Variants in INSYN2B observed in about 807,000 individuals in gnomAD.
INSYN2B encodes protein INSYN2B.
INSYN2B carries 16 observed loss-of-function variants against 41.2 expected under a neutral mutation model. The observed-to-expected ratio is 0.39, with a 90% CI of 0.26 to 0.59. The LOEUF (loss-of-function observed/expected upper bound fraction) is 0.59. Ranked by LOEUF, INSYN2B falls within the 20% of genes least tolerant of loss-of-function variation. The pLI, the probability that INSYN2B is intolerant of heterozygous loss-of-function variation, is 0.57. For missense variants in INSYN2B, 608 were observed against 646.4 expected (o/e 0.94, Z 0.64); for synonymous variants, 245 against 244.4 (o/e 1.00, Z -0.02).
chr5:169,938,567 A>G (rs929632064), intron 1 of INSYN2B, among the ~76,000 whole-genome samples: 5 of 152,222 alleles, frequency 3.3e-5, no homozygotes, highest in Non-Finnish European at 5.9e-5. Context: ...AAAATGGTCC[A>G]CCTGTACAGG....
At chr5:169,918,489 T>A (rs966630347) in intron 1 of INSYN2B, among the ~76,000 whole-genome samples, 2 of 152,204 alleles carry the variant, frequency 1.3e-5, no homozygotes, top group African/African-American at 4.8e-5. Flanking sequence ...GCTGAGAGCA[T>A]CATCTCACAG....
chr5:169,941,819 C>T (rs1403220292), intron 1 of INSYN2B, among the ~76,000 whole-genome samples: 1 of 152,156 alleles, frequency 6.6e-6, no homozygotes, highest in Non-Finnish European at 1.5e-5. Context: ...GGGGCATTCC[C>T]CTCCAGAATA....
intron 1 of INSYN2B, among the ~76,000 whole-genome samples, chr5:169,976,626 G>A (rs1777727103): frequency 6.6e-6 from 1 of 152,178 alleles, no homozygotes; most frequent in Non-Finnish European, 1.5e-5. Flanking sequence ...TCACATCACA[G>A]AGCCACAAGC....
chr5:169,945,593 G>T (rs1307414943), intron 1 of INSYN2B, among the ~76,000 whole-genome samples: 1 of 152,250 alleles, frequency 6.6e-6, no homozygotes, highest in African/African-American at 2.4e-5. Context: ...GCTCAGAGAA[G>T]TGAAGTCTGT....
chr5:169,967,107 G>A (rs761253123), intron 1 of INSYN2B, among the ~76,000 whole-genome samples: 1 of 152,224 alleles, frequency 6.6e-6, no homozygotes, highest in Non-Finnish European at 1.5e-5. Context: ...GTAGGACACT[G>A]AGCCAGTCTC....
chr5:169,917,013 T>A (rs1414797559), intron 1 of INSYN2B, among the ~76,000 whole-genome samples: 1 of 152,218 alleles, frequency 6.6e-6, no homozygotes, highest in Non-Finnish European at 1.5e-5. Context: ...ATATGGTGGA[T>A]CTCAGAGAGC....
At chr5:169,864,609 A>G in intron 3 of INSYN2B, 150 bp from the exon 4 acceptor site, 2 of 633,776 alleles carry the variant, frequency 3.2e-6, no homozygotes, top group East Asian at 2.9e-5. Context: ...GACCTTGGGA[A>G]AGTGATGCCA....
intron 1 of INSYN2B, among the ~76,000 whole-genome samples, chr5:169,929,660 C>G (rs940812969): frequency 1.3e-5 from 2 of 148,988 alleles, no homozygotes; most frequent in Non-Finnish European, 3.0e-5. Flanking sequence ...GAGAATCACT[C>G]AAGCCTGGGA....
chr5:169,949,261 C>T (rs1776565080), intron 1 of INSYN2B, among the ~76,000 whole-genome samples: 1 of 152,200 alleles, frequency 6.6e-6, no homozygotes, highest in South Asian at 2.1e-4. Context: ...ATTGAAGATA[C>T]AATCCTTGCC....
chr5:169,969,838 G>T (rs1777436331), intron 1 of INSYN2B, among the ~76,000 whole-genome samples: 2 of 152,242 alleles, frequency 1.3e-5, no homozygotes, highest in Non-Finnish European at 2.9e-5. Context: ...CTCTCTTCAG[G>T]GGGCAGCTCC....
intron 1 of INSYN2B, among the ~76,000 whole-genome samples, chr5:169,916,540 C>T (rs986240340): frequency 2.6e-5 from 4 of 152,224 alleles, no homozygotes; most frequent in African/African-American, 7.2e-5. Flanking sequence ...GGGCAACCTT[C>T]CTGTGCCTCC....
At chr5:169,908,612 T>C (rs1314116828) in intron 1 of INSYN2B, among the ~76,000 whole-genome samples, 1 of 152,136 alleles carries the variant, frequency 6.6e-6, no homozygotes, top group Non-Finnish European at 1.5e-5. Context: ...TATTGCAATA[T>C]GGAATCATGA....
At chr5:169,958,887 C>T (rs535763008) in intron 1 of INSYN2B, among the ~76,000 whole-genome samples, 26 of 152,094 alleles carry the variant, frequency 1.7e-4, no homozygotes, top group African/African-American at 1.9e-4. Flanking sequence ...AAACCTAGTA[C>T]GCTTTGTGTC....
chr5:169,938,008 T>G (rs1561838209), intron 1 of INSYN2B, among the ~76,000 whole-genome samples: 1 of 152,324 alleles, frequency 6.6e-6, no homozygotes, highest in East Asian at 1.9e-4. Flanking sequence ...CTCAGGCCAG[T>G]AAAAACTCAG....
intron 1 of INSYN2B, among the ~76,000 whole-genome samples, chr5:169,896,610 A>G (rs1241692205): frequency 3.3e-5 from 5 of 152,224 alleles, no homozygotes; most frequent in Non-Finnish European, 7.3e-5. Context: ...ACCACTTAAT[A>G]AACTTTGGCT....
At chr5:169,903,827 G>A (rs113409402) in intron 1 of INSYN2B, among the ~76,000 whole-genome samples, 2 of 151,894 alleles carry the variant, frequency 1.3e-5, no homozygotes, top group African/African-American at 4.8e-5. Context: ...AAACTGGGCG[G>A]AGTGGCTCAT....
Position 169,888,775 on chromosome 5 carries a change from C to T in INSYN2B, c.-918-3959G>A, listed in dbSNP as rs149103028. ...AATGAAATAATCTATATGAAATGGT[C>T]AGGATAGTCAGTGTTCACTCTTCAG... On this transcript the variant is annotated intron_variant, in intron 1 of 3. Coordinates refer to ENST00000377365, the MANE Select transcript of INSYN2B (RefSeq NM_001129891.3). Among the ~76,000 whole-genome samples, 636 of 152,292 alleles carry T rather than the reference C, an allele frequency of 4.2e-3. 5 individuals carry two copies. Among genetic ancestry groups the T allele is most frequent in the African/African-American group, 0.014 (600 of 41,564 alleles).
intron 1 of INSYN2B, among the ~76,000 whole-genome samples, chr5:169,885,981 C>A (rs1772948269): frequency 6.6e-6 from 1 of 152,170 alleles, no homozygotes; most frequent in Non-Finnish European, 1.5e-5. Flanking sequence ...AGGTGTCTGT[C>A]ATTCCAAAGT....
intron 1 of INSYN2B, among the ~76,000 whole-genome samples, chr5:169,974,725 C>G (rs976394676): frequency 2.0e-4 from 30 of 152,242 alleles, no homozygotes; most frequent in African/African-American, 7.0e-4. Context: ...TCCTGCACAG[C>G]CCTTCCTGAG....
Sources: gnomAD v4.1 joint callset for allele counts (sites outside exome capture counted in the v4.1 genomes callset) on GRCh38, gnomAD v4.1.1 for gene constraint, MANE v1.5 for transcripts, NCBI Gene and HGNC (gene_info 2026-07-23, HGNC 2026-07-21) for gene names.